The following TMEM74 variants were observed in gnomAD, a reference collection of about 807,000 sequenced individuals.
TMEM74 encodes transmembrane protein 74.
In TMEM74, 13 loss-of-function variants were observed where a neutral mutation model predicts 18.1. That is an observed-to-expected ratio of 0.72 (90% confidence interval 0.47 to 1.14). The LOEUF (loss-of-function observed/expected upper bound fraction) is 1.14. Ranked by LOEUF, TMEM74 falls within the 50% of genes most tolerant of loss-of-function variation. The pLI, the probability that TMEM74 is intolerant of heterozygous loss-of-function variation, is 0.00. For missense variants in TMEM74, 372 were observed against 375.9 expected (o/e 0.99, Z 0.09); for synonymous variants, 159 against 146.6 (o/e 1.08, Z -0.61).
At chr8:108,726,519 A>G (rs1046136140) in intron 1 of TMEM74, among the ~76,000 whole-genome samples, 6 of 152,208 alleles carry the variant, frequency 3.9e-5, no homozygotes, top group African/African-American at 1.4e-4. Context: ...ATAAGACGTT[A>G]ATAGGTACGG....
chr8:108,751,325 A>G (rs902594901), intron 1 of TMEM74, among the ~76,000 whole-genome samples: 1 of 152,128 alleles, frequency 6.6e-6, no homozygotes, highest in African/African-American at 2.4e-5. Flanking sequence ...CATATTATAC[A>G]TTGTGCATCT....
rs140505277 is a variant in TMEM74, at chr8:108,612,709, G to C, written n.265-3883C>G. On this transcript the variant is annotated intron_variant and non_coding_transcript_variant, in intron 2 of 3. Coordinates refer to the TMEM74 transcript ENST00000518838. ...AATGTTAGAATGGGAAAGAGCATTA[G>C]AGAAGGTGGTTCAGCTCTCTCGTTT... Among the ~76,000 whole-genome samples, 384 of 152,310 alleles carry C rather than the reference G, an allele frequency of 2.5e-3. 2 individuals carry two copies. The highest frequency in any genetic ancestry group is 8.3e-3 in the African/African-American group (347 of 41,578).
intron 1 of TMEM74, among the ~76,000 whole-genome samples, chr8:108,698,311 A>G (rs538336456): frequency 1.1e-3 from 166 of 152,346 alleles, no homozygotes; most frequent in African/African-American, 3.8e-3. Flanking sequence ...AAAATTAACT[A>G]TTAGACTGGA....
At chr8:108,687,975 T>C (rs1475503819) in intron 1 of TMEM74, among the ~76,000 whole-genome samples, 1 of 152,120 alleles carries the variant, frequency 6.6e-6, no homozygotes, top group Non-Finnish European at 1.5e-5. Flanking sequence ...ACAAATAACC[T>C]AATAAGAAAA....
At chr8:108,701,167 T>C (rs1813331257) in intron 1 of TMEM74, among the ~76,000 whole-genome samples, 1 of 150,360 alleles carries the variant, frequency 6.7e-6, no homozygotes, top group African/African-American at 2.5e-5. Context: ...AGAATAAGCA[T>C]TTGACAAAAT....
chr8:108,694,662 G>A (rs1331126993), intron 1 of TMEM74, among the ~76,000 whole-genome samples: 3 of 152,118 alleles, frequency 2.0e-5, no homozygotes, highest in African/African-American at 4.8e-5. Flanking sequence ...CAGAGAAGTG[G>A]AACCAACAAG....
intron 2 of TMEM74, among the ~76,000 whole-genome samples, chr8:108,649,146 G>T (rs1190694372): frequency 6.6e-6 from 1 of 152,100 alleles, no homozygotes; most frequent in Non-Finnish European, 1.5e-5. Flanking sequence ...TTGGGAACTT[G>T]TTTCTGCTTT....
intron 1 of TMEM74, among the ~76,000 whole-genome samples, chr8:108,728,605 G>A (rs966047362): frequency 5.9e-5 from 9 of 152,088 alleles, no homozygotes; most frequent in Non-Finnish European, 1.0e-4. Context: ...ATTCAATTTA[G>A]CAAGGTATAA....
intron 2 of TMEM74, among the ~76,000 whole-genome samples, chr8:108,654,669 A>G (rs1428180900): frequency 6.6e-6 from 1 of 152,154 alleles, no homozygotes; most frequent in Non-Finnish European, 1.5e-5. Flanking sequence ...TTTTTCAAAA[A>G]TAAAAATTGC....
chr8:108,670,035 G>GAAAAA, intron 1 of TMEM74, among the ~76,000 whole-genome samples: 1 of 60,842 alleles, frequency 1.6e-5, no homozygotes, highest in Non-Finnish European at 4.0e-5. Flanking sequence ...AAGATTCTGT[G>GAAAAA]AAAAAAAAAA....
intron 1 of TMEM74, among the ~76,000 whole-genome samples, chr8:108,657,395 A>T (rs376868426): frequency 6.6e-6 from 1 of 152,042 alleles, no homozygotes; most frequent in African/African-American, 2.4e-5. Context: ...AAGCACCAGC[A>T]TAACAAGTTT....
chr8:108,786,230 G>A (rs896472321), intron 1 of TMEM74, among the ~76,000 whole-genome samples: 3 of 152,208 alleles, frequency 2.0e-5, no homozygotes, highest in South Asian at 2.1e-4. Context: ...CCCGACTGCA[G>A]CAAGGGGCAT....
At chr8:108,676,014 C>A (rs147138740) in intron 1 of TMEM74, among the ~76,000 whole-genome samples, 1,727 of 152,202 alleles carry the variant, frequency 0.011, 18 homozygotes, top group Middle Eastern at 0.044. Context: ...TAAACTGGCT[C>A]TTTTAAAAAG....
chr8:108,717,712 A>C (rs1158694558), intron 1 of TMEM74, among the ~76,000 whole-genome samples: 2 of 152,044 alleles, frequency 1.3e-5, no homozygotes, highest in Non-Finnish European at 2.9e-5. Context: ...GGGGATTTGG[A>C]GGAAAAGGAC....
chr8:108,619,021 T>G (rs1812412912), intron 2 of TMEM74, among the ~76,000 whole-genome samples: 1 of 152,124 alleles, frequency 6.6e-6, no homozygotes, highest in East Asian at 1.9e-4. Context: ...TATTCTATAT[T>G]TGTATGAGAC....
chr8:108,728,977 C>T (rs762085959), intron 1 of TMEM74, among the ~76,000 whole-genome samples: 39 of 152,228 alleles, frequency 2.6e-4, no homozygotes, highest in Non-Finnish European at 4.7e-4. Flanking sequence ...TATAAAGTCA[C>T]TGTATCATTG....
intron 2 of TMEM74, among the ~76,000 whole-genome samples, chr8:108,623,073 C>T (rs1488148280): frequency 6.6e-6 from 1 of 152,040 alleles, no homozygotes; most frequent in Admixed American, 6.6e-5. Context: ...ATTCTGCTTT[C>T]TACCTTCACA....
At chr8:108,751,081 G>A (rs1247426505) in intron 1 of TMEM74, among the ~76,000 whole-genome samples, 7 of 152,102 alleles carry the variant, frequency 4.6e-5, no homozygotes, top group African/African-American at 1.2e-4. Context: ...CCGGTAACGC[G>A]TTCATGGACT....
At chr8:108,643,551 G>A (rs989104514) in intron 2 of TMEM74, among the ~76,000 whole-genome samples, 2 of 151,644 alleles carry the variant, frequency 1.3e-5, no homozygotes, top group African/African-American at 4.8e-5. Context: ...TGAACTAAGG[G>A]GCCTTTTGTA....
Sources: gnomAD v4.1 joint callset for allele counts (sites outside exome capture counted in the v4.1 genomes callset) on GRCh38, gnomAD v4.1.1 for gene constraint, MANE v1.5 for transcripts, NCBI Gene and HGNC (gene_info 2026-07-23, HGNC 2026-07-21) for gene names.